EFCAB6: variants seen among roughly 807,000 people sequenced by gnomAD.
EFCAB6 encodes the protein EF-hand calcium binding domain 6, also known as EF-hand calcium-binding domain-containing protein 6.
A neutral mutation model predicts 169.8 loss-of-function variants in EFCAB6; 156 were observed. That is an observed-to-expected ratio of 0.92 (90% CI 0.81 to 1.05). EFCAB6 has a LOEUF of 1.05. Among genes scored for constraint, EFCAB6 ranks in the 50% least tolerant of loss-of-function variants. EFCAB6 has a pLI of 0.00. For missense variants in EFCAB6, 1,800 were observed against 1,829.1 expected (o/e 0.98, Z 0.29); for synonymous variants, 698 against 676.4 (o/e 1.03, Z -0.50).
At chr22:43,530,456 G>T (rs2146962194) in intron 31 of EFCAB6, 1 of 939,334 alleles carries the variant, frequency 1.1e-6, no homozygotes, top group Non-Finnish European at 1.3e-6. Context: ...GGTCAGAGAT[G>T]CTCTTCAGAG....
At chr22:43,530,495 G>A in intron 31 of EFCAB6, 1 of 983,736 alleles carries the variant, frequency 1.0e-6, no homozygotes, top group South Asian at 4.7e-5. Flanking sequence ...TGTGGGGAGA[G>A]GGCTCGGAGC....
chr22:43,677,921 T>A, intron 13 of EFCAB6, 75 bp downstream of exon 13: 1 of 1,429,990 alleles, frequency 7.0e-7, no homozygotes. Context: ...ATATTTCACT[T>A]GCATCTCTTA....
chr22:43,721,315 C>G (rs2059517427), intron 8 of EFCAB6, among the ~76,000 whole-genome samples: 1 of 152,152 alleles, frequency 6.6e-6, no homozygotes, highest in Admixed American at 6.6e-5. Context: ...AAGCAATGAA[C>G]AGATTCCACG....
chr22:43,554,826 C>T, intron 27 of EFCAB6, 43 bp downstream of exon 27: 1 of 1,570,182 alleles, frequency 6.4e-7, no homozygotes. Context: ...GGCTGACGCT[C>T]AGCCAACGGT....
In EFCAB6 at chr22:43,632,093, G is replaced by T; in HGVS notation, c.2232+12C>A. On this transcript the variant is annotated intron_variant, in intron 19 of 31. Transcript: ENST00000262726. ...GCCTAGAGAAGCCCAGCGCCAGACA[G>T]TCACGGTTTACCCGGAATGACTCCT... 6.2e-7 allele frequency: 1 copy of T among 1,613,278 alleles called. No individual in the cohort carries two copies. Among genetic ancestry groups the T allele is most frequent in the Non-Finnish European group, 8.5e-7 (1 of 1,179,480 alleles).
intron 19 of EFCAB6, among the ~76,000 whole-genome samples, chr22:43,631,674 C>T (rs990111408): frequency 3.3e-5 from 5 of 152,026 alleles, no homozygotes; most frequent in Non-Finnish European, 5.9e-5. Context: ...GGGATTAGAC[C>T]GAGCTCCCTG....
intron 19 of EFCAB6, among the ~76,000 whole-genome samples, chr22:43,627,717 C>G (rs1384950504): frequency 2.0e-5 from 3 of 152,168 alleles, no homozygotes; most frequent in Admixed American, 1.3e-4. Context: ...TAGGAGTTAC[C>G]TGGCTGCTCT....
chr22:43,691,122 AT>A (rs1452165934), intron 10 of EFCAB6, among the ~76,000 whole-genome samples: 2 of 152,108 alleles, frequency 1.3e-5, no homozygotes, highest in Non-Finnish European at 2.9e-5. Flanking sequence ...TGATTAATTG[AT>A]TTTGTTAGGC....
intron 5 of EFCAB6, chr22:43,759,412 C>G (rs985221675): frequency 2.0e-5 from 3 of 152,166 alleles, no homozygotes; most frequent in Admixed American, 6.5e-5. Flanking sequence ...GTTTTGTACA[C>G]GAACGATTGT....
In EFCAB6 at chr22:43,642,188, G is replaced by A. The variant is rs576884580; in HGVS notation, c.1984-6972C>T. ...ACTCCCGACCGCAGGTTATCCACCC[G>A]CCTCGCCCTCCCAAAGTGCTGGGAT... is the stretch of plus-strand genomic sequence containing the variant. On this transcript the variant is annotated intron_variant, in intron 17 of 31. Transcript: ENST00000262726. Among the ~76,000 whole-genome samples the A allele has an allele frequency of 1.5e-4, 23 of 152,184 alleles. No homozygotes were observed. In the East Asian group the frequency reaches 3.1e-3, roughly 21 times the overall value.
At position 43,795,990 on chromosome 22, in the gene EFCAB6, C is replaced by T. The variant is rs1486913172; in HGVS notation, c.-8+13005G>A. Among the ~76,000 whole-genome samples the T allele has an allele frequency of 1.3e-5, 2 of 149,244 alleles. No individual in the cohort carries two copies. Among genetic ancestry groups the T allele is most frequent in the African/African-American group, 4.9e-5 (2 of 40,480 alleles). On this transcript the variant is annotated intron_variant, in intron 2 of 31. Coordinates refer to ENST00000262726, the MANE Select transcript of EFCAB6 (RefSeq NM_022785.4). This position sits in a 1 kb window ranked among gnomAD's most constrained non-coding sequence, Gnocchi z 4.2. ...AGAAACACACACACCACACACAACT[C>T]ACCCCCCACAGAAACACACACACCA...
chr22:43,780,486 CAAAAAAAA>C (rs34634496), intron 3 of EFCAB6, among the ~76,000 whole-genome samples: 2 of 49,042 alleles, frequency 4.1e-5, no homozygotes, highest in Non-Finnish European at 7.2e-5. Flanking sequence ...GACTCTGTCT[CAAAAAAAA>C]AAAAAAAAAA....
intron 2 of EFCAB6, among the ~76,000 whole-genome samples, chr22:43,794,667 T>G (rs890905974): frequency 5.3e-5 from 8 of 152,144 alleles, no homozygotes; most frequent in African/African-American, 1.7e-4. Context: ...AGAGAACATG[T>G]AGAAAATTAA....
At chr22:43,793,892 C>T (rs2062402624) in intron 2 of EFCAB6, among the ~76,000 whole-genome samples, 1 of 151,974 alleles carries the variant, frequency 6.6e-6, no homozygotes. Context: ...TTATTAATAC[C>T]ATTGTTTTTA....
intron 19 of EFCAB6, 148 bp downstream of exon 19, chr22:43,631,957 G>C: frequency 8.2e-7 from 1 of 1,223,396 alleles, no homozygotes; most frequent in East Asian, 2.5e-5. Context: ...GCCTCTCCCT[G>C]ACCAATGCTG....
chr22:43,765,568 A>G (rs1176155154), intron 4 of EFCAB6, among the ~76,000 whole-genome samples, 175 bp from the exon 5 acceptor site: 2 of 152,162 alleles, frequency 1.3e-5, no homozygotes, highest in African/African-American at 4.8e-5. Context: ...CACGGTGAAC[A>G]TGCATTCTCA....
At chr22:43,609,746 G>A (rs1053321613) in intron 21 of EFCAB6, among the ~76,000 whole-genome samples, 1 of 152,178 alleles carries the variant, frequency 6.6e-6, no homozygotes, top group South Asian at 2.1e-4. Flanking sequence ...TCGACAAAGC[G>A]ATTCAAAACT....
rs2054546858 is a variant in EFCAB6, at chr22:43,626,650, ATC to A, written c.2260_2261del (p.Asp754CysfsTer2). 2 of 1,614,048 alleles carry A rather than the reference ATC, an allele frequency of 1.2e-6. No individual in the cohort carries two copies. Among genetic ancestry groups the A allele is most frequent in the African/African-American group, 2.7e-5 (2 of 74,904 alleles). Reference protein sequence around the residue: ...RDPYSAFFKTDADRDGIINMH... With the variant: ...RDPYSAFFKTXADRDGIINMH... ...TGTTGATTATGCCATCCCTGTCAGC[ATC>A]TGTTTTAAAGAAGGCAGAGTAGGGG... On this transcript the variant is annotated frameshift_variant, in exon 20 of 32. Transcript: ENST00000262726. LOFTEE classifies it high-confidence loss of function.
chr22:43,786,652 TGCACTGA>T (rs1359722202), intron 2 of EFCAB6, among the ~76,000 whole-genome samples: 4 of 151,810 alleles, frequency 2.6e-5, no homozygotes, highest in Non-Finnish European at 5.9e-5. Flanking sequence ...AGGCAGAGTT[TGCACTGA>T]GCCAAGATCG....
Sources: allele counts gnomAD v4.1 joint callset (sites outside exome capture counted in the v4.1 genomes callset), GRCh38; gene constraint gnomAD v4.1.1; non-coding constraint Gnocchi (gnomAD v3.1); transcripts MANE v1.5; gene names NCBI Gene and HGNC (gene_info 2026-07-23, HGNC 2026-07-21).